Variants in DGKA observed in about 807,000 individuals in gnomAD.
DGKA encodes the protein 80 kDa diacylglycerol kinase.
A neutral mutation model predicts 105.0 loss-of-function variants in DGKA; 35 were observed. The observed-to-expected ratio is 0.33, with a 90% CI of 0.25 to 0.44. DGKA has a LOEUF of 0.44. Among genes scored for constraint, DGKA ranks in the 20% least tolerant of loss-of-function variants. DGKA has a pLI of 1.00. For missense variants in DGKA, 665 were observed against 915.0 expected, an observed-to-expected ratio of 0.73 and a Z score of 3.53; for synonymous variants, 296 against 332.0, an observed-to-expected ratio of 0.89 and a Z score of 1.18.
intron 17 of DGKA, among the ~76,000 whole-genome samples, chr12:55,946,506 G>A (rs747010727): frequency 3.3e-5 from 5 of 152,198 alleles, no homozygotes; most frequent in South Asian, 2.1e-4. Flanking sequence ...ACAGGCGTGC[G>A]CCATCACAAC....
At chr12:55,945,544 G>A (rs1260065020) in intron 17 of DGKA, among the ~76,000 whole-genome samples, 1 of 152,118 alleles carries the variant, frequency 6.6e-6, no homozygotes, top group Non-Finnish European at 1.5e-5. Flanking sequence ...GTGTTGGCAG[G>A]GCTGAGTTCT....
At chr12:55,953,592 C>G (rs1028724689) in intron 23 of DGKA, 93 bp from the exon 24 acceptor site, 3 of 1,435,292 alleles carry the variant, frequency 2.1e-6, no homozygotes, top group Non-Finnish European at 2.9e-6. Flanking sequence ...CCTAGCAACC[C>G]ACCCCAAACC....
intron 17 of DGKA, among the ~76,000 whole-genome samples, chr12:55,950,153 T>C (rs915566528): frequency 6.6e-6 from 1 of 151,410 alleles, no homozygotes; most frequent in Non-Finnish European, 1.5e-5. Flanking sequence ...TTTTTGTATT[T>C]TTATAGAGAT....
intron 15 of DGKA, 93 bp downstream of exon 15, chr12:55,941,677 G>A: frequency 7.5e-7 from 1 of 1,338,278 alleles, no homozygotes; most frequent in Non-Finnish European, 1.1e-6. Context: ...CAGATTGGGA[G>A]AGGAGGGCTA....
At chr12:55,935,134 TG>T (rs1884380862) in intron 1 of DGKA, among the ~76,000 whole-genome samples, 1 of 152,362 alleles carries the variant, frequency 6.6e-6, no homozygotes, top group East Asian at 1.9e-4. Flanking sequence ...AGAATGGTTA[TG>T]CCAATAATTT....
chr12:55,929,322 G>A (rs1883263867), upstream of DGKA: 2 of 152,242 alleles, frequency 1.3e-5, no homozygotes, highest in African/African-American at 4.8e-5. Context: ...AAGCCTCTAA[G>A]AACTAATGGG....
At position 55,940,386 on chromosome 12, in the gene DGKA, A is replaced by C. The variant is rs1885657353; in HGVS notation, c.871A>C (p.Ile291Leu). ...CGACCGCTGTCAGAAAAAGATCCGG[A>C]TCTACCACAGTCTGACCGGGCTGCA... ...RCDRCQKKIR[I>L]YHSLTGLHCV... is the part of the protein sequence containing the mutation. The change falls in exon 11 of 24, where the codon ATC becomes CTC. Residue 291 changes from isoleucine to leucine, a missense_variant. Transcript: ENST00000331886. This position sits in a 1 kb window ranked among gnomAD's most constrained non-coding sequence, Gnocchi z 4.3. The C allele has an allele frequency of 6.2e-7, 1 of 1,614,148 alleles. No homozygotes were observed. The highest frequency in any genetic ancestry group is 1.3e-5 in the African/African-American group (1 of 75,030).
rs768940177 is a variant in DGKA at position 55,936,534 on chromosome 12, A to T, written c.31A>T (p.Ser11Cys). MAKERGLISP[S>C]DFAQLQKYME... ...CAAGGAGAGGGGCCTAATAAGCCCC[A>T]GTGATTTTGCCCAGCTGCAAAAATA... Residue 11 changes from serine to cysteine, a missense_variant, in exon 2 of 24, where the codon AGT becomes TGT. Coordinates refer to ENST00000331886, the MANE Select transcript of DGKA (RefSeq NM_001345.5). 1 of 1,614,178 alleles carries T rather than the reference A, an allele frequency of 6.2e-7. No individual in the cohort carries two copies.
At chr12:55,935,783 C>A in intron 1 of DGKA, 1 of 742,714 alleles carries the variant, frequency 1.3e-6, no homozygotes, top group Non-Finnish European at 1.6e-6. Context: ...GGAACGCAGT[C>A]CAGGCGGGGC....
chr12:55,936,375 C>T, intron 1 of DGKA, 48 bp from the exon 2 acceptor site: 1 of 1,456,396 alleles, frequency 6.9e-7, no homozygotes, highest in African/African-American at 1.4e-5. Context: ...AGAAAAGACA[C>T]CCAGACAGCT....
At chr12:55,927,340 G>A (rs1310333392), upstream of DGKA, 14 of 745,398 alleles carry the variant, frequency 1.9e-5, no homozygotes, top group Non-Finnish European at 3.3e-5. Flanking sequence ...CTTGCTGCCT[G>A]TAAAACAGTC....
chr12:55,951,503 G>A, intron 17 of DGKA, 120 bp from the exon 18 acceptor site: 1 of 1,056,936 alleles, frequency 9.5e-7, no homozygotes, highest in South Asian at 1.6e-5. Context: ...TCACTGGCTA[G>A]GGCTGGGAGG....
chr12:55,944,748 A>C (rs570513706), intron 17 of DGKA, among the ~76,000 whole-genome samples: 2 of 152,306 alleles, frequency 1.3e-5, no homozygotes, highest in South Asian at 4.1e-4. Flanking sequence ...AGGTTTGTGG[A>C]TTCAGCAGAT....
chr12:55,939,946 G>A, intron 9 of DGKA, 136 bp from the exon 10 acceptor site: 1 of 760,762 alleles, frequency 1.3e-6, no homozygotes, highest in Non-Finnish European at 2.2e-6. Context: ...TTGGAGGTGG[G>A]CACTTCACCC....
Position 55,932,532 on chromosome 12 carries a change from A to C in DGKA, c.-82+1188A>C, listed in dbSNP as rs1435612190. The C allele has an allele frequency of 4.3e-6, 3 of 702,110 alleles. No homozygotes were observed. The highest frequency in any genetic ancestry group is 3.5e-5 in the African/African-American group (2 of 57,176). 43.5% of individuals were successfully genotyped at this position (702,110 alleles called of 1,614,324 possible). On this transcript the variant is annotated intron_variant, in intron 1 of 23. Coordinates refer to ENST00000331886, the MANE Select transcript of DGKA (RefSeq NM_001345.5). This position sits in a 1 kb window ranked among gnomAD's most constrained non-coding sequence, Gnocchi z 4.3. ...ACTGGGAAGTTTCTGAAAATACCTG[A>C]GTCTGAATCTCACTTTTCACCTTGA...
upstream of DGKA, chr12:55,927,754 G>C (rs1483523899): frequency 6.5e-7 from 1 of 1,539,392 alleles, no homozygotes; most frequent in Non-Finnish European, 8.7e-7. Flanking sequence ...GCTGCCGGCA[G>C]CTTCCATGGC....
rs757820192 is a variant in DGKA at position 55,936,640 on chromosome 12, C to T, written c.64+73C>T. 2.5e-6 allele frequency: 4 copies of T among 1,597,826 alleles called. No individual in the cohort carries two copies. The South Asian group carries it at 4.4e-5, about 18-fold the overall frequency. On this transcript the variant is annotated intron_variant, in intron 2 of 23. Transcript: ENST00000331886. ...AATCCCTCCTCCTCCTCATTACACCCCCTGCCCCCCAGCTTCCTCAGTGGC... is the reference window on the plus strand; with the variant it reads ...AATCCCTCCTCCTCCTCATTACACCTCCTGCCCCCCAGCTTCCTCAGTGGC...
chr12:55,931,208 T>TA lies in DGKA; in HGVS notation c.-217dup, dbSNP rs1364850328. ...AGGCCTCCATCTCTCTCCCTTGCTGTACCACCTTCACCACCATCCATGCGA... is the reference window on the plus strand; with the variant it reads ...AGGCCTCCATCTCTCTCCCTTGCTGTAACCACCTTCACCACCATCCATGCGA... On this transcript the variant is annotated 5_prime_UTR_variant, in exon 1 of 24. Coordinates refer to ENST00000331886, the MANE Select transcript of DGKA (RefSeq NM_001345.5). 1 of 152,242 alleles carries TA rather than the reference T, an allele frequency of 6.6e-6. No individual in the cohort carries two copies. Among genetic ancestry groups the TA allele is most frequent in the Non-Finnish European group, 1.5e-5 (1 of 68,132 alleles). The allele number at this position is 152,242 out of a possible 1,614,324, so 9.4% of individuals were successfully genotyped here.
rs1592751196 is a variant in DGKA at position 55,952,250 on chromosome 12, G to A, written c.1653-91G>A. The A allele has an allele frequency of 4.0e-5, 60 of 1,501,626 alleles. No individual in the cohort carries two copies. The highest frequency in any genetic ancestry group is 5.4e-5 in the Non-Finnish European group (58 of 1,078,530). 93.0% of individuals were successfully genotyped at this position (1,501,626 alleles called of 1,614,324 possible). ...TTGTTCCCCATGGGACTAAAGTTAG[G>A]AGGTTGATGCCCTTCCCTGTCACGT... On this transcript the variant is annotated intron_variant, in intron 19 of 23. Coordinates refer to ENST00000331886, the MANE Select transcript of DGKA (RefSeq NM_001345.5). The surrounding 1 kb of genome is among the most constrained non-coding windows in gnomAD (Gnocchi z 5.1).
Sources: gnomAD v4.1 joint callset for allele counts (sites outside exome capture counted in the v4.1 genomes callset) on GRCh38, gnomAD v4.1.1 for gene constraint, Gnocchi (gnomAD v3.1) non-coding constraint, MANE v1.5 for transcripts, NCBI Gene and HGNC (gene_info 2026-07-23, HGNC 2026-07-21) for gene names.